Variants in LASP1 observed in about 807,000 individuals in gnomAD.
The protein encoded by LASP1 is LIM and SH3 domain protein 1.
A neutral mutation model predicts 38.6 loss-of-function variants in LASP1; 10 were observed. That is an observed-to-expected ratio of 0.26 (90% CI 0.16 to 0.44). The LOEUF (loss-of-function observed/expected upper bound fraction) is 0.44, where lower values mean the gene tolerates loss of function less well. Ranked by LOEUF, LASP1 falls within the 20% of genes least tolerant of loss-of-function variation. The pLI, the probability that LASP1 is intolerant of heterozygous loss-of-function variation, is 1.00. For missense variants in LASP1, 243 were observed against 375.7 expected (o/e 0.65, Z 2.92); for synonymous variants, 132 against 140.8 (o/e 0.94, Z 0.44).
intron 2 of LASP1, among the ~76,000 whole-genome samples, chr17:38,887,643 G>A (rs1367838960): frequency 3.3e-5 from 5 of 152,316 alleles, no homozygotes; most frequent in African/African-American, 1.2e-4. Flanking sequence ...GAGGGCTGGG[G>A]GACGGGCACC....
In LASP1 at chr17:38,921,674, A is replaced by G. The variant is rs1915304894; in HGVS notation, c.*2896A>G. ...CTCGTGGGCTTGTGCTCGGGATCAA[A>G]CCTTTCTGGCCTGTTATGATTCTGA... On this transcript the variant is annotated 3_prime_UTR_variant, in exon 7 of 7. Transcript: ENST00000318008. 4.3e-6 allele frequency: 1 copy of G among 231,224 alleles called. No individual in the cohort carries two copies. Among genetic ancestry groups the G allele is most frequent in the South Asian group, 1.8e-4 (1 of 5,498 alleles). 14.3% of individuals were successfully genotyped at this position (231,224 alleles called of 1,614,324 possible).
chr17:38,890,397 A>T (rs1555554381), intron 2 of LASP1, 23 bp from the exon 3 acceptor site: 3 of 1,609,746 alleles, frequency 1.9e-6, no homozygotes, highest in Non-Finnish European at 2.5e-6. Context: ...AGTCACCCCC[A>T]CTCTGTTTTT....
intron 3 of LASP1, among the ~76,000 whole-genome samples, chr17:38,895,427 TCTC>T (rs565228021): frequency 9.9e-5 from 15 of 151,658 alleles, no homozygotes; most frequent in Non-Finnish European, 1.9e-4. Context: ...TTCAAGGAAT[TCTC>T]CTGCCTCAGC....
intron 3 of LASP1, among the ~76,000 whole-genome samples, chr17:38,895,618 ATTTTTGTTT>A (rs1914465338): frequency 6.6e-6 from 1 of 152,028 alleles, no homozygotes; most frequent in Non-Finnish European, 1.5e-5. Flanking sequence ...GCCTGGCATA[ATTTTTGTTT>A]TTAAGTAATG....
At chr17:38,876,972 G>T (rs1027360581) in intron 1 of LASP1, among the ~76,000 whole-genome samples, 4 of 152,128 alleles carry the variant, frequency 2.6e-5, no homozygotes, top group African/African-American at 7.2e-5. Flanking sequence ...CAAAGTGCGG[G>T]ATTACAGGCG....
At chr17:38,899,134 T>C (rs1318654983) in intron 4 of LASP1, 2 of 249,654 alleles carry the variant, frequency 8.0e-6, no homozygotes, top group African/African-American at 4.4e-5. Context: ...ATGGCACCTG[T>C]GGCCAGAGAA....
chr17:38,907,835 G>C (rs183495174), intron 4 of LASP1, among the ~76,000 whole-genome samples: 2 of 152,326 alleles, frequency 1.3e-5, no homozygotes, highest in Non-Finnish European at 2.9e-5. Context: ...CTTGCTTTCA[G>C]CTTAGAGTTT....
rs971829589 is a variant in LASP1, at chr17:38,921,649, C to G, written c.*2871C>G. On this transcript the variant is annotated 3_prime_UTR_variant, in exon 7 of 7. Transcript: ENST00000318008. The stretch of plus-strand genomic sequence containing the variant: ...ATTTTGGTCTGTTTTGGTCCCCTCC[C>G]TCGTGGGCTTGTGCTCGGGATCAAA... 1.7e-5 allele frequency: 4 copies of G among 232,488 alleles called. No individual in the cohort carries two copies. Among genetic ancestry groups the G allele is most frequent in the African/African-American group, 8.8e-5 (4 of 45,256 alleles). 14.4% of individuals were successfully genotyped at this position (232,488 alleles called of 1,614,324 possible).
intron 2 of LASP1, among the ~76,000 whole-genome samples, chr17:38,890,057 CGG>C (rs1420366744): frequency 6.6e-6 from 1 of 152,236 alleles, no homozygotes; most frequent in Non-Finnish European, 1.5e-5. Flanking sequence ...TTCCCCCAGC[CGG>C]GCCCAGTTGC....
At chr17:38,910,718 G>T (rs1337478387) in intron 4 of LASP1, among the ~76,000 whole-genome samples, 1 of 97,932 alleles carries the variant, frequency 1.0e-5, no homozygotes, top group Admixed American at 9.7e-5. Context: ...TCAGACACAG[G>T]TAGTCTGGAG....
intron 2 of LASP1, among the ~76,000 whole-genome samples, chr17:38,878,659 T>C (rs1386636921): frequency 6.6e-6 from 1 of 152,128 alleles, no homozygotes; most frequent in Non-Finnish European, 1.5e-5. Context: ...ACCTGGGTAC[T>C]TCTAGGCTTT....
intron 4 of LASP1, 171 bp downstream of exon 4, chr17:38,898,690 T>C (rs1180439544): frequency 3.0e-6 from 2 of 675,532 alleles, no homozygotes; most frequent in Admixed American, 2.0e-5. Context: ...GCCTCTTCTC[T>C]GTGTACCCCC....
chr17:38,895,423 G>A (rs548377576), intron 3 of LASP1, among the ~76,000 whole-genome samples: 2 of 151,580 alleles, frequency 1.3e-5, no homozygotes, highest in East Asian at 2.0e-4. Context: ...CAGGTTCAAG[G>A]AATTCTCCTG....
chr17:38,908,925 G>A (rs745533088), intron 4 of LASP1, among the ~76,000 whole-genome samples: 1 of 152,378 alleles, frequency 6.6e-6, no homozygotes, highest in East Asian at 1.9e-4. Context: ...GGACTGCCCA[G>A]GCTGGGACAG....
At chr17:38,910,256 A>G (rs1344095338) in intron 4 of LASP1, among the ~76,000 whole-genome samples, 3 of 152,200 alleles carry the variant, frequency 2.0e-5, no homozygotes, top group Non-Finnish European at 4.4e-5. Flanking sequence ...GGTAGGAGGT[A>G]TCTCAGGCTT....
At chr17:38,871,322 G>T (rs1913603391) in intron 1 of LASP1, among the ~76,000 whole-genome samples, 1 of 152,152 alleles carries the variant, frequency 6.6e-6, no homozygotes, top group East Asian at 1.9e-4. Flanking sequence ...AGCTCCGTAA[G>T]ATCCTAAGGT....
intron 2 of LASP1, among the ~76,000 whole-genome samples, chr17:38,879,816 C>T (rs56987807): frequency 0.012 from 1,851 of 152,176 alleles, 32 homozygotes; most frequent in African/African-American, 0.042. Context: ...ACATACTAAC[C>T]TGCACCAGGT....
intron 1 of LASP1, among the ~76,000 whole-genome samples, chr17:38,870,983 C>T (rs1913590328): frequency 6.6e-6 from 1 of 152,110 alleles, no homozygotes; most frequent in African/African-American, 2.4e-5. Context: ...GGTTGGGTGG[C>T]AGAGTAGGGT....
At chr17:38,893,474 G>A (rs1914399386) in intron 3 of LASP1, among the ~76,000 whole-genome samples, 2 of 152,136 alleles carry the variant, frequency 1.3e-5, no homozygotes, top group Admixed American at 6.5e-5. Flanking sequence ...TGCTCTGAGG[G>A]GTGCCACATT....
Sources: allele counts gnomAD v4.1 joint callset (sites outside exome capture counted in the v4.1 genomes callset), GRCh38; gene constraint gnomAD v4.1.1; transcripts MANE v1.5; gene names NCBI Gene and HGNC (gene_info 2026-07-23, HGNC 2026-07-21).